The following PPP2R2B variants were observed in gnomAD, a reference collection of about 807,000 sequenced individuals.
PPP2R2B encodes serine/threonine-protein phosphatase 2A 55 kDa regulatory subunit B beta isoform.
In PPP2R2B, 5 loss-of-function variants were observed where a neutral mutation model predicts 46.0. The observed-to-expected ratio is 0.11, with a 90% CI of 0.06 to 0.23. The LOEUF is 0.23. PPP2R2B is among the 10% of genes least tolerant of loss of function. The pLI is 1.00. For missense variants in PPP2R2B, 367 were observed against 575.0 expected (o/e 0.64, Z 3.70); for synonymous variants, 215 against 206.7 (o/e 1.04, Z -0.34).
chr5:146,664,324 T>C (rs1776847894), intron 5 of PPP2R2B, among the ~76,000 whole-genome samples: 1 of 152,140 alleles, frequency 6.6e-6, no homozygotes, highest in Non-Finnish European at 1.5e-5. Context: ...TAACACAGCT[T>C]TATTAATATT....
intron 7 of PPP2R2B, among the ~76,000 whole-genome samples, chr5:146,602,116 ATCTTT>A (rs1245480782): frequency 6.6e-6 from 1 of 152,150 alleles, no homozygotes; most frequent in Admixed American, 6.5e-5. Context: ...ACCCCAAATG[ATCTTT>A]TCTTTTCTCT....
intron 7 of PPP2R2B, among the ~76,000 whole-genome samples, 174 bp downstream of exon 7, chr5:146,638,077 C>T (rs749972857): frequency 2.0e-5 from 3 of 152,204 alleles, no homozygotes; most frequent in African/African-American, 4.8e-5. Context: ...GTTTTGGAAT[C>T]GAACACAAAT....
Position 146,983,431 on chromosome 5 carries a change from T to C in PPP2R2B, c.79+72234A>G, listed in dbSNP as rs551568312. Among the ~76,000 whole-genome samples, 170 of 152,238 alleles carry C rather than the reference T, an allele frequency of 1.1e-3. No individual in the cohort carries two copies. In the East Asian group the frequency reaches 0.016, roughly 14 times the overall value. ...TCCTGACCTCGTGATCTGCCCGCCT[T>C]GGCCTCCCAAAGTGCTGGGATTATA... On this transcript the variant is annotated intron_variant, in intron 1 of 8. Coordinates refer to the PPP2R2B transcript ENST00000336640.
At chr5:146,610,067 GC>G in intron 7 of PPP2R2B, among the ~76,000 whole-genome samples, 1 of 83,590 alleles carries the variant, frequency 1.2e-5, no homozygotes, top group Non-Finnish European at 2.1e-5. Context: ...CAAAAAGACA[GC>G]AGTAACCTCT....
intron 1 of PPP2R2B, among the ~76,000 whole-genome samples, chr5:147,003,313 C>A (rs938178143): frequency 2.6e-5 from 4 of 152,138 alleles, no homozygotes; most frequent in South Asian, 2.1e-4. Flanking sequence ...ACCAAAAAAA[C>A]CCCCGGGCTA....
chr5:147,052,237 G>T (rs1756861880), intron 1 of PPP2R2B, among the ~76,000 whole-genome samples: 1 of 152,132 alleles, frequency 6.6e-6, no homozygotes, highest in African/African-American at 2.4e-5. Context: ...ATGCATGTAG[G>T]AGTGAATGCT....
intron 8 of PPP2R2B, among the ~76,000 whole-genome samples, chr5:146,596,076 A>T (rs1771140161): frequency 6.6e-6 from 1 of 152,202 alleles, no homozygotes; most frequent in South Asian, 2.1e-4. Context: ...TCTCTGTGAC[A>T]GCTACTCAAC....
intron 2 of PPP2R2B, among the ~76,000 whole-genome samples, chr5:146,726,822 G>A (rs181523402): frequency 3.9e-5 from 6 of 152,260 alleles, no homozygotes; most frequent in African/African-American, 7.2e-5. Context: ...AAATGCTCCT[G>A]GGGAATCATC....
At chr5:146,871,061 T>C (rs762208579) in intron 2 of PPP2R2B, among the ~76,000 whole-genome samples, 2 of 152,188 alleles carry the variant, frequency 1.3e-5, no homozygotes, top group Non-Finnish European at 2.9e-5. Flanking sequence ...TTCTGCGAGA[T>C]AGTTATGTTG....
intron 1 of PPP2R2B, among the ~76,000 whole-genome samples, chr5:146,890,298 T>C (rs1327353608): frequency 1.3e-5 from 2 of 152,218 alleles, no homozygotes; most frequent in African/African-American, 4.8e-5. Flanking sequence ...CAGGAGGAGC[T>C]GTATCAGTCC....
intron 2 of PPP2R2B, among the ~76,000 whole-genome samples, chr5:146,772,112 C>A (rs1754894331): frequency 6.6e-6 from 1 of 152,004 alleles, no homozygotes; most frequent in South Asian, 2.1e-4. Flanking sequence ...AATATCCATA[C>A]TAAAAAACAT....
At chr5:146,948,925 G>A (rs1764570644) in intron 1 of PPP2R2B, among the ~76,000 whole-genome samples, 1 of 152,040 alleles carries the variant, frequency 6.6e-6, no homozygotes, top group Non-Finnish European at 1.5e-5. Context: ...ACTCATCTAA[G>A]GACTTTGCTA....
At chr5:146,663,446 T>C (rs1776791431) in intron 5 of PPP2R2B, among the ~76,000 whole-genome samples, 1 of 150,408 alleles carries the variant, frequency 6.6e-6, no homozygotes, top group East Asian at 1.9e-4. Context: ...AACCTTACTT[T>C]AATGAAATCC....
chr5:146,596,344 G>T (rs1378663839), intron 8 of PPP2R2B, among the ~76,000 whole-genome samples: 1 of 152,128 alleles, frequency 6.6e-6, no homozygotes, highest in African/African-American at 2.4e-5. Context: ...CTGTCTCCTT[G>T]CCCAGGGCAG....
At chr5:146,624,007 T>C (rs1373567839) in intron 7 of PPP2R2B, among the ~76,000 whole-genome samples, 1 of 152,168 alleles carries the variant, frequency 6.6e-6, no homozygotes, top group South Asian at 2.1e-4. Context: ...TCCCCCCTTC[T>C]CCATCTTACA....
chr5:147,009,447 A>G (rs1382167791), intron 1 of PPP2R2B, among the ~76,000 whole-genome samples: 2 of 152,166 alleles, frequency 1.3e-5, no homozygotes, highest in Admixed American at 6.6e-5. Flanking sequence ...GAAAGCAGAT[A>G]ATCTAAATCC....
At chr5:146,681,127 G>A (rs1026386308) in intron 5 of PPP2R2B, among the ~76,000 whole-genome samples, 5 of 152,112 alleles carry the variant, frequency 3.3e-5, no homozygotes, top group African/African-American at 2.4e-5. Flanking sequence ...GTCCTCTATT[G>A]AGTTGGATTC....
At position 147,038,656 on chromosome 5, in the gene PPP2R2B, C is replaced by G. The variant is rs144008050; in HGVS notation, c.79+17009G>C. ...ACATATTTTGGATACTTTCCCTATG[C>G]TGGTCAAAACTTTATGTTCATTATC... is the stretch of plus-strand genomic sequence containing the variant. On this transcript the variant is annotated intron_variant, in intron 1 of 8. Coordinates refer to the PPP2R2B transcript ENST00000336640. Among the ~76,000 whole-genome samples the G allele has an allele frequency of 6.6e-5, 10 of 152,302 alleles. No homozygotes were observed. The East Asian group carries it at 1.9e-3, about 29-fold the overall frequency.
At position 146,665,288 on chromosome 5, in the gene PPP2R2B, A is replaced by C. The variant is rs184936152; in HGVS notation, c.448-14564T>G. ...TCTGTTGTTTAGTGTAGCCACCGCC[A>C]CCCATGATCTTAGCTAGATCTTCTG... is the stretch of plus-strand genomic sequence containing the variant. On this transcript the variant is annotated intron_variant, in intron 5 of 9. Coordinates refer to ENST00000394411, the MANE Select transcript of PPP2R2B (RefSeq NM_181675.4). 2.0e-5 allele frequency among the ~76,000 whole-genome samples: 3 copies of C among 152,308 alleles called. No individual in the cohort carries two copies. The East Asian group carries it at 5.8e-4, about 29-fold the overall frequency.
Sources: gnomAD v4.1 joint callset for allele counts (sites outside exome capture counted in the v4.1 genomes callset) on GRCh38, gnomAD v4.1.1 for gene constraint, MANE v1.5 for transcripts, NCBI Gene and HGNC (gene_info 2026-07-23, HGNC 2026-07-21) for gene names.